Variants in DMXL1 observed in about 807,000 individuals in gnomAD.
DMXL1 encodes the protein dmX-like protein 1.
Under a neutral mutation model 319.2 loss-of-function variants are expected in DMXL1, and 99 were observed. That is an observed-to-expected ratio of 0.31 (90% CI 0.26 to 0.37). The LOEUF (loss-of-function observed/expected upper bound fraction) is 0.37. Ranked by LOEUF, DMXL1 falls within the 10% of genes least tolerant of loss-of-function variation. DMXL1 has a pLI of 1.00. For missense variants in DMXL1, 3,745 were observed against 3,595.6 expected (o/e 1.04, Z -1.06); for synonymous variants, 1,385 against 1,235.2 (o/e 1.12, Z -2.54).
chr5:119,100,682 G>A (rs1191397335), intron 2 of DMXL1: 1 of 146,412 alleles, frequency 6.8e-6, no homozygotes, highest in African/African-American at 2.5e-5. Context: ...GTACACTATT[G>A]TGTTATAAGG....
chr5:119,106,853 G>T (rs778426618), intron 4 of DMXL1, among the ~76,000 whole-genome samples: 3 of 152,174 alleles, frequency 2.0e-5, no homozygotes, highest in Non-Finnish European at 4.4e-5. Context: ...TATGAAATGT[G>T]TTTAGGCAGT....
chr5:119,172,233 G>C (rs1228213952), intron 25 of DMXL1, among the ~76,000 whole-genome samples: 1 of 152,000 alleles, frequency 6.6e-6, no homozygotes, highest in Non-Finnish European at 1.5e-5. Context: ...AAGAAAAATA[G>C]GTACGTATGA....
At chr5:119,185,395 A>AT (rs750166368) in intron 28 of DMXL1, among the ~76,000 whole-genome samples, 6 of 152,168 alleles carry the variant, frequency 3.9e-5, no homozygotes, top group Admixed American at 6.5e-5. Context: ...TTTTATAGAT[A>AT]TTTATGGAGC....
intron 3 of DMXL1, among the ~76,000 whole-genome samples, chr5:119,103,224 A>G (rs1757647035): frequency 6.6e-6 from 1 of 152,134 alleles, no homozygotes; most frequent in Non-Finnish European, 1.5e-5. Context: ...ATTGATTACT[A>G]TCTATTCAGT....
chr5:119,203,540 G>C, intron 33 of DMXL1, 104 bp downstream of exon 33: 1 of 570,834 alleles, frequency 1.8e-6, no homozygotes, highest in Non-Finnish European at 2.9e-6. Context: ...TTGAAAACAC[G>C]TATCATAAAC....
In DMXL1 at chr5:119,133,138, A is replaced by G. The variant is rs759949723; in HGVS notation, c.1322A>G (p.Asp441Gly). ...TGAACTCTTTTGCTTATAGAAACTGATGATGGTGTTGATGATCTGAAAATA... is the reference window on the plus strand; with the variant it reads ...TGAACTCTTTTGCTTATAGAAACTGGTGATGGTGTTGATGATCTGAAAATA... ...QADVKSDEET[D>G]DGVDDLKINP... Residue 441 changes from aspartate to glycine, a missense_variant, in exon 11 of 44, where the codon GAT becomes GGT. This residue lies in a region of DMXL1 where 2,096 missense variants were observed against 1,985.4 expected (regional missense o/e 1.06). Coordinates refer to ENST00000539542, the MANE Select transcript of DMXL1 (RefSeq NM_001290321.3). 6.2e-7 allele frequency: 1 copy of G among 1,613,810 alleles called. No individual in the cohort carries two copies. The highest frequency in any genetic ancestry group is 8.5e-7 in the Non-Finnish European group (1 of 1,179,800).
chr5:119,226,103 T>C (rs1253901127), intron 38 of DMXL1, among the ~76,000 whole-genome samples: 1 of 152,112 alleles, frequency 6.6e-6, no homozygotes, highest in Non-Finnish European at 1.5e-5. Context: ...GAGGCCACGC[T>C]CAAAGCTTCA....
intron 23 of DMXL1, 27 bp from the exon 24 acceptor site, chr5:119,170,163 T>C: frequency 6.4e-7 from 1 of 1,565,098 alleles, no homozygotes; most frequent in Non-Finnish European, 8.6e-7. Context: ...TAACTTTTCT[T>C]GGCTCATAAA....
chr5:119,119,050 G>A, intron 8 of DMXL1, 46 bp downstream of exon 8: 1 of 1,335,358 alleles, frequency 7.5e-7, no homozygotes, highest in Non-Finnish European at 1.0e-6. Flanking sequence ...TAAAACCTTT[G>A]GTACATTGCC....
At position 119,152,050 on chromosome 5, in the gene DMXL1, T is replaced by C. The variant is rs373899835; in HGVS notation, c.4702+14T>C. 45 of 1,554,054 alleles carry C rather than the reference T, an allele frequency of 2.9e-5. No individual in the cohort carries two copies. Among genetic ancestry groups the C allele is most frequent in the Middle Eastern group, 1.7e-4 (1 of 5,952 alleles). On this transcript the variant is annotated intron_variant, in intron 19 of 43. Transcript: ENST00000539542. ...TCCTTCACCAAGGTGATTTTGATAG[T>C]AATCTATTAAAGGGAAATAAAGCGA...
Position 119,098,002 on chromosome 5 carries a change from T to G in DMXL1, c.111T>G (p.Ile37Met). The change falls in exon 2 of 44, where the codon ATT becomes ATG. Residue 37 changes from isoleucine to methionine, a missense_variant. Coordinates refer to ENST00000539542, the MANE Select transcript of DMXL1 (RefSeq NM_001290321.3). ...AGGCTTATGCATCTGGATGTGACAT[T>G]GTAATACTGGGAAGCGATTTTGAAA... ...RFTAYASGCD[I>M]VILGSDFERL... 6.2e-7 allele frequency: 1 copy of G among 1,605,352 alleles called. No homozygotes were observed. Among genetic ancestry groups the G allele is most frequent in the Non-Finnish European group, 8.5e-7 (1 of 1,177,554 alleles).
At chr5:119,080,272 A>G (rs1166961668) in intron 1 of DMXL1, among the ~76,000 whole-genome samples, 1 of 152,098 alleles carries the variant, frequency 6.6e-6, no homozygotes, top group Non-Finnish European at 1.5e-5. Context: ...GCTTGAACCT[A>G]GGAGGCAGAG....
In DMXL1 at chr5:119,177,522, T is replaced by G. The variant is rs537098099; in HGVS notation, c.6886+38T>G. The G allele has an allele frequency of 2.9e-5, 45 of 1,534,842 alleles. No homozygotes were observed. The Middle Eastern group carries it at 5.2e-4, about 18-fold the overall frequency. ...TGTATAGATCAGTTTTTTCTTAGTCTTATTTATAATCTTAGATAAGTAGAA... is the reference window on the plus strand; with the variant it reads ...TGTATAGATCAGTTTTTTCTTAGTCGTATTTATAATCTTAGATAAGTAGAA... On this transcript the variant is annotated intron_variant, in intron 27 of 43. Transcript: ENST00000539542.
chr5:119,177,850 C>A, intron 27 of DMXL1, 146 bp from the exon 28 acceptor site: 1 of 629,020 alleles, frequency 1.6e-6, no homozygotes, highest in South Asian at 3.6e-5. Flanking sequence ...CTATAATAAC[C>A]GCTACTAGTC....
At chr5:119,107,620 C>A (rs144244711) in intron 4 of DMXL1, among the ~76,000 whole-genome samples, 1 of 152,262 alleles carries the variant, frequency 6.6e-6, no homozygotes, top group African/African-American at 2.4e-5. Flanking sequence ...TTGTTCCATT[C>A]CATACCTGGG....
intron 37 of DMXL1, among the ~76,000 whole-genome samples, chr5:119,223,135 C>T (rs1454847587): frequency 6.7e-6 from 1 of 148,310 alleles, no homozygotes; most frequent in African/African-American, 2.5e-5. Flanking sequence ...TGGCTCACTG[C>T]AACCTCCACC....
chr5:119,213,397 C>T (rs1286597501), intron 34 of DMXL1, among the ~76,000 whole-genome samples: 3 of 152,156 alleles, frequency 2.0e-5, no homozygotes, highest in African/African-American at 7.2e-5. Flanking sequence ...CTGCTTTCAC[C>T]TACCCAAGAA....
At chr5:119,123,188 A>G (rs1580840492) in intron 9 of DMXL1, among the ~76,000 whole-genome samples, 1 of 151,976 alleles carries the variant, frequency 6.6e-6, no homozygotes, top group East Asian at 1.9e-4. Context: ...CTGCAATCGC[A>G]GGCACTCGGC....
intron 22 of DMXL1, 104 bp downstream of exon 22, chr5:119,166,885 A>T: frequency 2.3e-6 from 2 of 877,438 alleles, no homozygotes; most frequent in African/African-American, 3.5e-5. Context: ...TGGAAATAAC[A>T]CAAGGCCAAA....
Sources: gnomAD v4.1 joint callset for allele counts (sites outside exome capture counted in the v4.1 genomes callset) on GRCh38, gnomAD v4.1.1 for gene constraint, gnomAD v4.1.1 regional missense constraint, MANE v1.5 for transcripts, NCBI Gene and HGNC (gene_info 2026-07-23, HGNC 2026-07-21) for gene names.